Variants in VSTM4 observed in about 807,000 individuals in gnomAD.
VSTM4 encodes V-set and transmembrane domain containing 4.
Under a neutral mutation model 36.4 loss-of-function variants are expected in VSTM4, and 20 were observed. The ratio of observed to expected loss-of-function variants is 0.55; its 90% CI spans 0.39 to 0.80. The LOEUF is 0.80. Ranked by LOEUF, VSTM4 falls within the 30% of genes least tolerant of loss-of-function variation. The probability of loss-of-function intolerance (pLI) is 0.00; values close to 1 mark genes in which losing one functional copy is unlikely to be tolerated. For synonymous variants in VSTM4, 182 were observed against 173.9 expected (o/e 1.05, Z -0.37); for missense variants, 392 against 404.5 (o/e 0.97, Z 0.26).
At chr10:49,077,122 C>T in intron 4 of VSTM4, 97 bp downstream of exon 4, 1 of 1,226,582 alleles carries the variant, frequency 8.2e-7, no homozygotes, top group Non-Finnish European at 1.2e-6. Flanking sequence ...ACTCACAATG[C>T]ACTTTTCCAC....
At chr10:49,092,718 C>T (rs1844497789) in intron 2 of VSTM4, among the ~76,000 whole-genome samples, 2 of 152,150 alleles carry the variant, frequency 1.3e-5, no homozygotes, top group South Asian at 4.2e-4. Flanking sequence ...TGGCCTGCCA[C>T]GCCCCCATCC....
At chr10:49,109,827 C>T (rs1260656225) in intron 1 of VSTM4, among the ~76,000 whole-genome samples, 1 of 152,216 alleles carries the variant, frequency 6.6e-6, no homozygotes, top group East Asian at 1.9e-4. Flanking sequence ...ATCAGAAGCC[C>T]CTCCTGCAAG....
chr10:49,032,042 C>A (rs967981468), intron 7 of VSTM4, among the ~76,000 whole-genome samples: 14 of 152,120 alleles, frequency 9.2e-5, no homozygotes, highest in Admixed American at 2.6e-4. Flanking sequence ...TGAATACAGC[C>A]CCCCACCCCC....
intron 2 of VSTM4, among the ~76,000 whole-genome samples, chr10:49,097,144 A>G (rs1046386919): frequency 2.0e-5 from 3 of 152,200 alleles, no homozygotes; most frequent in Non-Finnish European, 4.4e-5. Flanking sequence ...CGGGAACCTT[A>G]GGACACGTGG....
At chr10:49,113,338 C>T (rs959958889) in intron 1 of VSTM4, among the ~76,000 whole-genome samples, 16 of 152,214 alleles carry the variant, frequency 1.1e-4, no homozygotes, top group African/African-American at 3.4e-4. Context: ...TGGACTGATT[C>T]ACTCACATTA....
At chr10:49,034,437 T>C (rs1295600724) in intron 7 of VSTM4, among the ~76,000 whole-genome samples, 3 of 152,258 alleles carry the variant, frequency 2.0e-5, no homozygotes, top group Non-Finnish European at 4.4e-5. Flanking sequence ...ACTAACAATT[T>C]TTATTCTTCA....
intron 5 of VSTM4, among the ~76,000 whole-genome samples, chr10:49,052,551 GA>G (rs11291853): frequency 0.94 from 143,309 of 151,946 alleles, 68,145 homozygotes; most frequent in East Asian, 1. Flanking sequence ...CATATTTATT[GA>G]AAAATATTTT....
At chr10:49,021,032 T>C (rs1182833274) in intron 7 of VSTM4, among the ~76,000 whole-genome samples, 2 of 152,168 alleles carry the variant, frequency 1.3e-5, no homozygotes, top group African/African-American at 4.8e-5. Context: ...AACACATTTT[T>C]GTTTAAAACA....
chr10:49,021,596 C>T (rs1172343153), intron 7 of VSTM4, among the ~76,000 whole-genome samples: 1 of 151,996 alleles, frequency 6.6e-6, no homozygotes, highest in Non-Finnish European at 1.5e-5. Context: ...GCAAGCATCT[C>T]GGACACAGAT....
At chr10:49,076,060 C>A (rs1844172268) in intron 4 of VSTM4, among the ~76,000 whole-genome samples, 1 of 152,190 alleles carries the variant, frequency 6.6e-6, no homozygotes, top group African/African-American at 2.4e-5. Context: ...AGGATGGAAA[C>A]AGCATCCCAT....
At chr10:49,056,780 G>T (rs1046381846) in intron 5 of VSTM4, among the ~76,000 whole-genome samples, 1 of 152,238 alleles carries the variant, frequency 6.6e-6, no homozygotes, top group Non-Finnish European at 1.5e-5. Context: ...GACATTCTGA[G>T]CCGTCTTTTC....
rs538203020 is a variant in VSTM4 at position 49,019,128 on chromosome 10, A to C, written c.*522T>G. On this transcript the variant is annotated 3_prime_UTR_variant, in exon 8 of 8. Coordinates refer to ENST00000332853, the MANE Select transcript of VSTM4 (RefSeq NM_001031746.5). The stretch of plus-strand genomic sequence containing the variant: ...TTAGTGCATCTATTTAAAACAAGAG[A>C]TGCCATCTCAGGTGGTGCTGGCAAT... The C allele has an allele frequency of 3.9e-5, 6 of 152,140 alleles. No individual in the cohort carries two copies. Among genetic ancestry groups the C allele is most frequent in the Admixed American group, 6.5e-5 (1 of 15,282 alleles). The allele number at this position is 152,140 out of a possible 1,614,324, so 9.4% of individuals were successfully genotyped here.
chr10:49,082,955 C>T (rs761422377), intron 3 of VSTM4, among the ~76,000 whole-genome samples: 1 of 152,216 alleles, frequency 6.6e-6, no homozygotes. Flanking sequence ...AGCTCCCGCC[C>T]TCCCAAACAG....
At position 49,046,845 on chromosome 10, in the gene VSTM4, G is replaced by A. The variant is rs1178673563; in HGVS notation, c.837+138C>T. On this transcript the variant is annotated intron_variant, in intron 7 of 7. Transcript: ENST00000332853. ...GGCTGACTCAAAAGCTGGCATCTGA[G>A]AATAGAGAATGTTTTTGTTTGGGGA... 6 of 831,588 alleles carry A rather than the reference G, an allele frequency of 7.2e-6. No individual in the cohort carries two copies. The East Asian group carries it at 1.5e-4, about 20-fold the overall frequency. The allele number at this position is 831,588 out of a possible 1,614,324, so 51.5% of individuals were successfully genotyped here. A position where few individuals can be genotyped will look rare whatever the true frequency, so the allele number is the denominator to read the frequency against.
chr10:49,058,780 C>T (rs1222740432), intron 5 of VSTM4, among the ~76,000 whole-genome samples: 1 of 152,244 alleles, frequency 6.6e-6, no homozygotes, highest in Non-Finnish European at 1.5e-5. Context: ...CACATGGTCT[C>T]TTCCGGAGGC....
At chr10:49,071,027 A>G (rs1306673080) in intron 4 of VSTM4, among the ~76,000 whole-genome samples, 1 of 152,236 alleles carries the variant, frequency 6.6e-6, no homozygotes, top group African/African-American at 2.4e-5. Flanking sequence ...GAACAGCCAC[A>G]GGCCCTTAGC....
chr10:49,035,124 G>C (rs982024653), intron 7 of VSTM4, among the ~76,000 whole-genome samples: 1 of 152,088 alleles, frequency 6.6e-6, no homozygotes, highest in African/African-American at 2.4e-5. Context: ...TGCACAACCA[G>C]GAAAGGCCAC....
intron 7 of VSTM4, among the ~76,000 whole-genome samples, chr10:49,021,290 T>A (rs1013519589): frequency 6.6e-6 from 1 of 152,042 alleles, no homozygotes; most frequent in African/African-American, 2.4e-5. Context: ...AATAAACCTA[T>A]AAAAGTACTA....
chr10:49,065,255 AT>A (rs1244751047), intron 4 of VSTM4, among the ~76,000 whole-genome samples: 9 of 152,322 alleles, frequency 5.9e-5, no homozygotes, highest in African/African-American at 2.2e-4. Context: ...AAAAGTAAGA[AT>A]ACCTAGGCAC....
Sources: allele counts gnomAD v4.1 joint callset (sites outside exome capture counted in the v4.1 genomes callset), GRCh38; gene constraint gnomAD v4.1.1; transcripts MANE v1.5; gene names NCBI Gene and HGNC (gene_info 2026-07-23, HGNC 2026-07-21).